MAP3K15: variants seen among roughly 807,000 people sequenced by gnomAD.
The protein encoded by MAP3K15 is mitogen-activated protein kinase kinase kinase 15, also known as MAPK/ERK kinase kinase 15.
Under a neutral mutation model 99.5 loss-of-function variants are expected in MAP3K15, and 124 were observed. The ratio of observed to expected loss-of-function variants is 1.25; its 90% confidence interval spans 1.08 to 1.45. The LOEUF is 1.45. Ranked by LOEUF, MAP3K15 falls within the 40% of genes most tolerant of loss-of-function variation. The probability of loss-of-function intolerance (pLI) is 0.00; values close to 1 mark genes in which losing one functional copy is unlikely to be tolerated. For missense variants in MAP3K15, 1,242 were observed against 1,079.7 expected, an observed-to-expected ratio of 1.15 and a Z score of -2.11; for synonymous variants, 494 against 439.6, an observed-to-expected ratio of 1.12 and a Z score of -1.55.
chrX:19,369,957 A>T lies in MAP3K15; in HGVS notation c.3401-738T>A, dbSNP rs1187519536. Among the ~76,000 whole-genome samples the T allele has an allele frequency of 2.7e-5, 3 of 110,750 alleles. No individual in the cohort carries two copies. The East Asian group carries it at 8.5e-4, about 31-fold the overall frequency. On this transcript the variant is annotated intron_variant, in intron 24 of 28. Coordinates refer to ENST00000338883, the MANE Select transcript of MAP3K15 (RefSeq NM_001001671.4). The stretch of plus-strand genomic sequence containing the variant: ...AAGAAATAAGTAGAGCCAGGCTGCC[A>T]CCCAAGCCTGTGCCGTTTTACTACA...
chrX:19,465,253 T>C lies in MAP3K15; in HGVS notation c.526-847A>G, dbSNP rs749878309. Among the ~76,000 whole-genome samples, 5 of 111,266 alleles carry C rather than the reference T, an allele frequency of 4.5e-5. No individual in the cohort carries two copies. The South Asian group carries it at 1.9e-3, about 43-fold the overall frequency. ...ATCTTACTTTGTTATTTTCCAACCA[T>C]TAATAAGTGTAAGAACCATTCTTAG... On this transcript the variant is annotated intron_variant, in intron 3 of 28. Coordinates refer to ENST00000338883, the MANE Select transcript of MAP3K15 (RefSeq NM_001001671.4).
chrX:19,368,993 T>C, intron 25 of MAP3K15, 61 bp downstream of exon 25: 2 of 1,086,052 alleles, frequency 1.8e-6, no homozygotes, highest in Non-Finnish European at 2.4e-6. Context: ...AATCAGCATC[T>C]TGGTGGCTCA....
intron 15 of MAP3K15, among the ~76,000 whole-genome samples, chrX:19,397,012 G>A (rs951817301): frequency 9.2e-6 from 1 of 108,632 alleles, no homozygotes; most frequent in Non-Finnish European, 1.9e-5. Context: ...CGATTCTCGT[G>A]CCTCAGCCTC....
In MAP3K15 at chrX:19,407,170, G is replaced by A; in HGVS notation, c.1844+18C>T. The A allele has an allele frequency of 9.5e-7, 1 of 1,048,346 alleles. No individual in the cohort carries two copies. Among genetic ancestry groups the A allele is most frequent in the Non-Finnish European group, 1.3e-6 (1 of 775,020 alleles). The allele number at this position is 1,048,346 out of a possible 1,213,427, so 86.4% of individuals were successfully genotyped here. On this transcript the variant is annotated intron_variant, in intron 13 of 28. Coordinates refer to ENST00000338883, the MANE Select transcript of MAP3K15 (RefSeq NM_001001671.4). ...CGCCATAATTACATTGCAAATACCT[G>A]AATTGGCTGTAACTCACCTACTGCA...
intron 18 of MAP3K15, among the ~76,000 whole-genome samples, chrX:19,383,290 TTTTG>T (rs1569205468): frequency 1.8e-5 from 2 of 112,261 alleles, no homozygotes; most frequent in Admixed American, 9.5e-5. Flanking sequence ...CTGGGGTTAT[TTTTG>T]TTTTTCTGCC....
intron 14 of MAP3K15, among the ~76,000 whole-genome samples, chrX:19,400,354 C>A (rs2147259609): frequency 9.0e-6 from 1 of 111,601 alleles, no homozygotes; most frequent in African/African-American, 3.2e-5. Context: ...TAGTCTAGTC[C>A]ATGGCCAAAT....
At chrX:19,411,549 G>A (rs1020582223) in intron 11 of MAP3K15, among the ~76,000 whole-genome samples, 2 of 112,215 alleles carry the variant, frequency 1.8e-5, no homozygotes, top group Non-Finnish European at 3.8e-5. Context: ...CATACCATGG[G>A]GGGCGGTGAA....
At chrX:19,407,800 C>T (rs1266917192) in intron 12 of MAP3K15, among the ~76,000 whole-genome samples, 4 of 112,270 alleles carry the variant, frequency 3.6e-5, no homozygotes, top group African/African-American at 1.3e-4. Flanking sequence ...GATTCTACAG[C>T]TCATCCAACA....
In MAP3K15 at chrX:19,413,290, C is replaced by G. The variant is rs377435941; in HGVS notation, c.1698+67G>C. 1.2e-5 allele frequency: 10 copies of G among 834,948 alleles called. No homozygotes were observed. In the African/African-American group the frequency reaches 1.9e-4, roughly 16 times the overall value. 68.8% of individuals were successfully genotyped at this position (834,948 alleles called of 1,213,427 possible). ...AGTTAAACATGGGTGCCTTTTCCTTCAAATACTACCATCTAGACTCTCCTA... is the reference window on the plus strand; with the variant it reads ...AGTTAAACATGGGTGCCTTTTCCTTGAAATACTACCATCTAGACTCTCCTA... On this transcript the variant is annotated intron_variant, in intron 11 of 28. Transcript: ENST00000338883.
At chrX:19,501,023 A>T (rs1390525603) in intron 1 of MAP3K15, among the ~76,000 whole-genome samples, 1 of 111,864 alleles carries the variant, frequency 8.9e-6, no homozygotes, top group Non-Finnish European at 1.9e-5. Context: ...TCCAGGCTCA[A>T]TTCTGAGTCA....
intron 13 of MAP3K15, among the ~76,000 whole-genome samples, chrX:19,406,454 A>G (rs2063648067): frequency 8.9e-6 from 1 of 112,328 alleles, no homozygotes; most frequent in African/African-American, 3.2e-5. Flanking sequence ...ACGCTAAGTG[A>G]AAGAAGCCAG....
intron 17 of MAP3K15, 41 bp downstream of exon 17, chrX:19,392,302 T>C (rs1219647945): frequency 1.7e-6 from 2 of 1,184,310 alleles, no homozygotes; most frequent in African/African-American, 1.8e-5. Flanking sequence ...CATGATCTGA[T>C]ACGAGCAAAG....
intron 3 of MAP3K15, among the ~76,000 whole-genome samples, chrX:19,481,426 C>T (rs2064289233): frequency 9.0e-6 from 1 of 110,957 alleles, no homozygotes; most frequent in South Asian, 3.8e-4. Context: ...AACTATAAAA[C>T]TTCTAAAAGA....
intron 18 of MAP3K15, among the ~76,000 whole-genome samples, chrX:19,382,409 GCAA>G (rs2063464968): frequency 9.0e-6 from 1 of 111,436 alleles, no homozygotes; most frequent in African/African-American, 3.3e-5. Flanking sequence ...TGCGCTGATG[GCAA>G]CGTTCTATCC....
intron 2 of MAP3K15, 135 bp downstream of exon 2, chrX:19,488,693 G>C: frequency 1.7e-6 from 1 of 591,788 alleles, no homozygotes; most frequent in South Asian, 3.2e-5. Flanking sequence ...ACTAGAATCT[G>C]TGGTGGGAAG....
chrX:19,411,909 G>A lies in MAP3K15; in HGVS notation c.1698+1448C>T, dbSNP rs1396451207. 3.6e-5 allele frequency among the ~76,000 whole-genome samples: 4 copies of A among 112,249 alleles called. No individual in the cohort carries two copies. In the East Asian group the frequency reaches 8.4e-4, roughly 24 times the overall value. ...CTCGGGATGTCAGCTTTGACTCTGC[G>A]TGAGACAGGAAGCCACTGGAGGCTT... On this transcript the variant is annotated intron_variant, in intron 11 of 28. Transcript: ENST00000338883.
intron 6 of MAP3K15, among the ~76,000 whole-genome samples, chrX:19,456,062 C>T (rs2083656833): frequency 9.0e-6 from 1 of 111,308 alleles, no homozygotes; most frequent in Non-Finnish European, 1.9e-5. Flanking sequence ...TGCATTTCCA[C>T]AGAGACCATG....
intron 22 of MAP3K15, 54 bp from the exon 23 acceptor site, chrX:19,371,584 C>A: frequency 9.3e-7 from 1 of 1,070,195 alleles, no homozygotes; most frequent in South Asian, 2.1e-5. Flanking sequence ...AGCGAGAGTT[C>A]AGAACACACT....
At chrX:19,482,601 A>C (rs2064298729) in intron 3 of MAP3K15, among the ~76,000 whole-genome samples, 1 of 111,978 alleles carries the variant, frequency 8.9e-6, no homozygotes, top group Admixed American at 9.5e-5. Flanking sequence ...GGGTGTGGGA[A>C]GAGAGATTGT....
Sources: gnomAD v4.1 joint callset for allele counts (sites outside exome capture counted in the v4.1 genomes callset) on GRCh38, gnomAD v4.1.1 for gene constraint, MANE v1.5 for transcripts, NCBI Gene and HGNC (gene_info 2026-07-23, HGNC 2026-07-21) for gene names.